BRMS1L: variants seen among roughly 807,000 people sequenced by gnomAD.
BRMS1L encodes the protein breast cancer metastasis-suppressor 1-like protein.
In BRMS1L, 23 loss-of-function variants were observed where a neutral mutation model predicts 50.3. That is an observed-to-expected ratio of 0.46 (90% CI 0.33 to 0.65). BRMS1L has a LOEUF of 0.65. Ranked by LOEUF, BRMS1L falls within the 30% of genes least tolerant of loss-of-function variation. The pLI, the probability that BRMS1L is intolerant of heterozygous loss-of-function variation, is 0.02. For missense variants in BRMS1L, 286 were observed against 386.1 expected (o/e 0.74, Z 2.17); for synonymous variants, 114 against 126.9 (o/e 0.90, Z 0.69).
rs2078493899 is a variant in BRMS1L at position 35,871,693 on chromosome 14, TTTG to T, written c.*1219_*1221del. 6.6e-6 allele frequency: 1 copy of T among 152,642 alleles called. No homozygotes were observed. The highest frequency in any genetic ancestry group is 2.4e-5 in the African/African-American group (1 of 41,452). 9.5% of individuals were successfully genotyped at this position (152,642 alleles called of 1,614,324 possible). ...CTGCAGAAATGTCTGCATTATTCCG[TTTG>T]TTTTCTTATTATTTTACCTCTCCAA... On this transcript the variant is annotated 3_prime_UTR_variant, in exon 10 of 10. Coordinates refer to ENST00000216807, the MANE Select transcript of BRMS1L (RefSeq NM_032352.4).
chr14:35,845,951 G>A (rs1277962038), intron 4 of BRMS1L, among the ~76,000 whole-genome samples: 1 of 152,170 alleles, frequency 6.6e-6, no homozygotes, highest in African/African-American at 2.4e-5. Context: ...TCAATAAGTT[G>A]TAAGAAAGTA....
chr14:35,858,863 G>C (rs966097632), intron 4 of BRMS1L, among the ~76,000 whole-genome samples: 4 of 151,996 alleles, frequency 2.6e-5, no homozygotes, highest in Non-Finnish European at 4.4e-5. Context: ...ATCCAAGATA[G>C]CAAGACAGAG....
At chr14:35,854,107 T>C (rs985301756) in intron 4 of BRMS1L, among the ~76,000 whole-genome samples, 1 of 152,206 alleles carries the variant, frequency 6.6e-6, no homozygotes, top group East Asian at 1.9e-4. Flanking sequence ...ATTATTTTGG[T>C]CTCATATAGT....
chr14:35,864,604 A>G (rs968969721), intron 6 of BRMS1L, among the ~76,000 whole-genome samples: 1 of 152,140 alleles, frequency 6.6e-6, no homozygotes, highest in African/African-American at 2.4e-5. Flanking sequence ...TGGAGTGTAA[A>G]TTAATACGTA....
At chr14:35,845,054 AT>A (rs1389372152) in intron 4 of BRMS1L, among the ~76,000 whole-genome samples, 1 of 151,616 alleles carries the variant, frequency 6.6e-6, no homozygotes, top group East Asian at 1.9e-4. Flanking sequence ...CTAAATAAAA[AT>A]TTTTTTTTGT....
At chr14:35,838,565 T>C (rs757054000) in intron 4 of BRMS1L, among the ~76,000 whole-genome samples, 1 of 152,240 alleles carries the variant, frequency 6.6e-6, no homozygotes, top group Non-Finnish European at 1.5e-5. Flanking sequence ...TGATCACCAT[T>C]CTAACTGGCG....
chr14:35,828,709 G>T (rs2077879751), intron 1 of BRMS1L, among the ~76,000 whole-genome samples: 1 of 152,072 alleles, frequency 6.6e-6, no homozygotes, highest in Admixed American at 6.5e-5. Context: ...GCCTGCCTCG[G>T]CCTCCCCAAG....
chr14:35,867,820 G>A, intron 8 of BRMS1L, 86 bp from the exon 9 acceptor site: 3 of 1,311,728 alleles, frequency 2.3e-6, no homozygotes, highest in Non-Finnish European at 3.0e-6. Flanking sequence ...CATATGCATG[G>A]ATTGATGTTA....
chr14:35,864,179 A>T (rs1293714053), intron 6 of BRMS1L, among the ~76,000 whole-genome samples: 1 of 152,214 alleles, frequency 6.6e-6, no homozygotes, highest in East Asian at 1.9e-4. Flanking sequence ...CAACTTTGAA[A>T]ATTAATGTGA....
intron 3 of BRMS1L, among the ~76,000 whole-genome samples, chr14:35,833,403 C>A (rs1272752941): frequency 6.6e-6 from 1 of 151,668 alleles, no homozygotes; most frequent in Non-Finnish European, 1.5e-5. Context: ...TTAAGAGAGA[C>A]TGTTACTATC....
intron 9 of BRMS1L, among the ~76,000 whole-genome samples, chr14:35,869,080 G>A (rs1269312650): frequency 2.6e-5 from 4 of 152,080 alleles, no homozygotes; most frequent in East Asian, 1.9e-4. Flanking sequence ...AAATACAGTG[G>A]TTTTAATTGT....
chr14:35,849,937 A>G (rs1259132909), intron 4 of BRMS1L, among the ~76,000 whole-genome samples: 4 of 151,186 alleles, frequency 2.6e-5, no homozygotes, highest in African/African-American at 9.7e-5. Flanking sequence ...CTCGTGCCCC[A>G]GCCTCCCCAG....
rs568218565 is a variant in BRMS1L at position 35,857,219 on chromosome 14, C to T, written c.442-5371C>T. Among the ~76,000 whole-genome samples, 727 of 143,662 alleles carry T rather than the reference C, an allele frequency of 5.1e-3. 3 individuals carry two copies. Among genetic ancestry groups the T allele is most frequent in the Middle Eastern group, 0.016 (4 of 254 alleles). 94.2% of individuals were successfully genotyped at this position (143,662 alleles called of 152,430 possible). On this transcript the variant is annotated intron_variant, in intron 4 of 9. Transcript: ENST00000216807. ...TCATGCCACTGCACTCCAGCCTGGG[C>T]GACAGAGCAAGACTCCGTCTCAAAA...
At chr14:35,864,897 T>A (rs999289647) in intron 6 of BRMS1L, 38 bp from the exon 7 acceptor site, 2 of 1,328,834 alleles carry the variant, frequency 1.5e-6, no homozygotes, top group African/African-American at 3.0e-5. Context: ...ATTCAAAGTG[T>A]GATATTCTTA....
At chr14:35,846,955 A>G (rs1451170533) in intron 4 of BRMS1L, among the ~76,000 whole-genome samples, 2 of 151,810 alleles carry the variant, frequency 1.3e-5, no homozygotes, top group South Asian at 2.1e-4. Flanking sequence ...GGATTTGTTT[A>G]TATTGCTGTT....
At chr14:35,844,707 G>A (rs2078111125) in intron 4 of BRMS1L, among the ~76,000 whole-genome samples, 1 of 152,170 alleles carries the variant, frequency 6.6e-6, no homozygotes, top group Admixed American at 6.5e-5. Context: ...TGCTTGAGTT[G>A]CTGAGGTGGG....
At chr14:35,864,492 C>G (rs1437491499) in intron 6 of BRMS1L, among the ~76,000 whole-genome samples, 1 of 152,166 alleles carries the variant, frequency 6.6e-6, no homozygotes, top group African/African-American at 2.4e-5. Context: ...AACTCCTGGG[C>G]TTAAGCCTGC....
chr14:35,868,317 G>A (rs941195809), intron 9 of BRMS1L, among the ~76,000 whole-genome samples: 5 of 152,136 alleles, frequency 3.3e-5, no homozygotes, highest in African/African-American at 1.2e-4. Flanking sequence ...TAGGTGAATC[G>A]TTAGGATCGT....
At chr14:35,855,822 T>C (rs1025865858) in intron 4 of BRMS1L, among the ~76,000 whole-genome samples, 16 of 152,202 alleles carry the variant, frequency 1.1e-4, no homozygotes, top group Non-Finnish European at 2.1e-4. Context: ...TACTCTGTCA[T>C]TGTAATCCTT....
Sources: gnomAD v4.1 joint callset for allele counts (sites outside exome capture counted in the v4.1 genomes callset) on GRCh38, gnomAD v4.1.1 for gene constraint, MANE v1.5 for transcripts, NCBI Gene and HGNC (gene_info 2026-07-23, HGNC 2026-07-21) for gene names.